Variants in USP10 observed in about 807,000 individuals in gnomAD.
USP10 encodes ubiquitin carboxyl-terminal hydrolase 10.
A neutral mutation model predicts 84.5 loss-of-function variants in USP10; 22 were observed. That is an observed-to-expected ratio of 0.26 (90% CI 0.19 to 0.37). The LOEUF is 0.37. Among genes scored for constraint, USP10 ranks in the 10% least tolerant of loss-of-function variants. The probability of loss-of-function intolerance (pLI) is 1.00; values close to 1 mark genes in which losing one functional copy is unlikely to be tolerated. For synonymous variants in USP10, 454 were observed against 387.6 expected, an observed-to-expected ratio of 1.17 and a Z score of -2.01; for missense variants, 1,019 against 998.9, an observed-to-expected ratio of 1.02 and a Z score of -0.27.
intron 1 of USP10, 145 bp downstream of exon 1, chr16:84,700,256 G>T (rs1258287622): frequency 9.3e-6 from 6 of 645,760 alleles, no homozygotes; most frequent in African/African-American, 2.0e-5. Flanking sequence ...GGCCTAGGCC[G>T]GAGCCACCCG....
chr16:84,759,514 TC>T (rs1251238479), intron 6 of USP10, 42 bp downstream of exon 6: 3 of 1,535,280 alleles, frequency 2.0e-6, no homozygotes, highest in Non-Finnish European at 2.7e-6. Flanking sequence ...GTGGGGTTTT[TC>T]CCGTCTGATA....
At chr16:84,761,435 T>C (rs1381617776) in intron 8 of USP10, among the ~76,000 whole-genome samples, 1 of 152,210 alleles carries the variant, frequency 6.6e-6, no homozygotes, top group Non-Finnish European at 1.5e-5. Context: ...TACCCGTGGC[T>C]ATGGTTGCTG....
chr16:84,722,034 A>G (rs1907878753), intron 1 of USP10, among the ~76,000 whole-genome samples: 1 of 152,206 alleles, frequency 6.6e-6, no homozygotes, highest in South Asian at 2.1e-4. Context: ...CAAAGTAGTA[A>G]CTACTACCAC....
At chr16:84,738,513 C>G (rs992379420) in intron 2 of USP10, among the ~76,000 whole-genome samples, 1 of 152,128 alleles carries the variant, frequency 6.6e-6, no homozygotes, top group African/African-American at 2.4e-5. Context: ...CCCTTATAGA[C>G]CCACCTCTCT....
chr16:84,773,708 G>T (rs1053240939), intron 12 of USP10, among the ~76,000 whole-genome samples: 2 of 152,170 alleles, frequency 1.3e-5, no homozygotes, highest in African/African-American at 4.8e-5. Flanking sequence ...CCAGCAAGAG[G>T]AAGAAAGATG....
intron 13 of USP10, among the ~76,000 whole-genome samples, chr16:84,777,226 G>T (rs1469004438): frequency 6.6e-6 from 1 of 152,222 alleles, no homozygotes; most frequent in Non-Finnish European, 1.5e-5. Context: ...TCAGCCCAGG[G>T]TAGTTAACTG....
chr16:84,705,034 C>T (rs1165994402), intron 1 of USP10, among the ~76,000 whole-genome samples: 2 of 152,220 alleles, frequency 1.3e-5, no homozygotes, highest in Non-Finnish European at 2.9e-5. Flanking sequence ...TCAGTCTCCT[C>T]CCCGTTGGGC....
In USP10 at chr16:84,704,813, C is replaced by T. The variant is rs1194199773; in HGVS notation, c.21+4702C>T. 2.0e-6 allele frequency: 3 copies of T among 1,535,666 alleles called. No homozygotes were observed. The Admixed American group carries it at 5.9e-5, about 30-fold the overall frequency. On this transcript the variant is annotated intron_variant, in intron 1 of 13. Coordinates refer to ENST00000219473, the MANE Select transcript of USP10 (RefSeq NM_005153.3). ...GCTCTACCAGCACTGCCATTCTGTC[C>T]CGTCTTGAAACATCATGCCCTGGTT...
chr16:84,739,052 C>T (rs1597339849), intron 2 of USP10, among the ~76,000 whole-genome samples: 1 of 150,720 alleles, frequency 6.6e-6, no homozygotes, highest in Non-Finnish European at 1.5e-5. Context: ...TACCCCTTTT[C>T]TTCCTAAACC....
At chr16:84,705,534 C>G (rs993297709) in intron 1 of USP10, among the ~76,000 whole-genome samples, 14 of 151,944 alleles carry the variant, frequency 9.2e-5, no homozygotes, top group African/African-American at 3.4e-4. Context: ...CCCAGCCACT[C>G]CTGTGCCTTT....
intron 11 of USP10, 64 bp downstream of exon 11, chr16:84,768,422 A>G (rs1567648374): frequency 7.1e-7 from 1 of 1,417,822 alleles, no homozygotes; most frequent in Non-Finnish European, 9.4e-7. Context: ...AAAGAACACA[A>G]AATTAGGAAT....
At chr16:84,736,841 T>C (rs1457048645) in intron 2 of USP10, among the ~76,000 whole-genome samples, 3 of 152,200 alleles carry the variant, frequency 2.0e-5, no homozygotes, top group African/African-American at 7.2e-5. Context: ...CAGGCTGGAC[T>C]GCAGGGGCGT....
intron 1 of USP10, among the ~76,000 whole-genome samples, chr16:84,703,323 A>T (rs373348121): frequency 6.6e-6 from 1 of 152,218 alleles, no homozygotes; most frequent in African/African-American, 2.4e-5. Flanking sequence ...GATGTCATTT[A>T]TAGTGAAATC....
intron 4 of USP10, among the ~76,000 whole-genome samples, chr16:84,755,053 G>A (rs148241230): frequency 6.6e-6 from 1 of 151,762 alleles, no homozygotes; most frequent in African/African-American, 2.4e-5. Flanking sequence ...TGATGGCTGT[G>A]CAATGCTTTC....
At chr16:84,713,897 G>C (rs9929430) in intron 1 of USP10, among the ~76,000 whole-genome samples, 1 of 152,216 alleles carries the variant, frequency 6.6e-6, no homozygotes, top group Non-Finnish European at 1.5e-5. Context: ...GGCGTGTGCC[G>C]TGTCGCTGAA....
At chr16:84,711,419 T>C (rs999165087) in intron 1 of USP10, among the ~76,000 whole-genome samples, 2 of 152,182 alleles carry the variant, frequency 1.3e-5, no homozygotes, top group Admixed American at 6.5e-5. Context: ...GAACTGGAAC[T>C]TTATAATTCA....
At chr16:84,776,629 T>C (rs1915049931) in intron 13 of USP10, among the ~76,000 whole-genome samples, 1 of 152,124 alleles carries the variant, frequency 6.6e-6, no homozygotes, top group South Asian at 2.1e-4. Context: ...GCCTTCTCCC[T>C]GCACCTCTTC....
At chr16:84,771,388 G>A (rs1309110738) in intron 11 of USP10, among the ~76,000 whole-genome samples, 1 of 152,004 alleles carries the variant, frequency 6.6e-6, no homozygotes, top group Non-Finnish European at 1.5e-5. Flanking sequence ...CCAGCTACTT[G>A]GGAGGCTGAG....
At chr16:84,711,649 AAGTT>A (rs1453458484) in intron 1 of USP10, among the ~76,000 whole-genome samples, 2 of 151,430 alleles carry the variant, frequency 1.3e-5, no homozygotes, top group Admixed American at 6.6e-5. Flanking sequence ...AATGTATTCT[AAGTT>A]AGGTGCCAGC....
Sources: gnomAD v4.1 joint callset for allele counts (sites outside exome capture counted in the v4.1 genomes callset) on GRCh38, gnomAD v4.1.1 for gene constraint, MANE v1.5 for transcripts, NCBI Gene and HGNC (gene_info 2026-07-23, HGNC 2026-07-21) for gene names.